PLEKHM3: variants seen among roughly 807,000 people sequenced by gnomAD.
The protein encoded by PLEKHM3 is pleckstrin homology domain-containing family M member 3.
PLEKHM3 carries 45 observed loss-of-function variants against 81.8 expected under a neutral mutation model. That is an observed-to-expected ratio of 0.55 (90% CI 0.43 to 0.71). The LOEUF (loss-of-function observed/expected upper bound fraction) is 0.71. PLEKHM3 is among the 30% of genes least tolerant of loss of function. The pLI, the probability that PLEKHM3 is intolerant of heterozygous loss-of-function variation, is 0.00. For synonymous variants in PLEKHM3, 352 were observed against 356.4 expected, an observed-to-expected ratio of 0.99 and a Z score of 0.14; for missense variants, 788 against 924.3, an observed-to-expected ratio of 0.85 and a Z score of 1.91.
intron 5 of PLEKHM3, among the ~76,000 whole-genome samples, chr2:207,912,279 A>C (rs1400287478): frequency 6.6e-6 from 1 of 152,216 alleles, no homozygotes; most frequent in African/African-American, 2.4e-5. Flanking sequence ...TAAAGTGGCT[A>C]TGTATTTATT....
At chr2:207,893,683 G>C (rs876065) in intron 6 of PLEKHM3, among the ~76,000 whole-genome samples, 35,114 of 152,018 alleles carry the variant, frequency 0.23, 4,274 homozygotes, top group Middle Eastern at 0.3. Flanking sequence ...CAGAGAGAGA[G>C]AGAAAGAGAG....
rs1692310695 is a variant in PLEKHM3, at chr2:208,001,657, G to A, written c.-18C>T. The A allele has an allele frequency of 2.5e-6, 4 of 1,602,388 alleles. No homozygotes were observed. The highest frequency in any genetic ancestry group is 2.6e-6 in the Non-Finnish European group (3 of 1,175,580). ...GCTTCCATGTCACAGGCTCCAGGAG[G>A]CCTTAGCCTCCTAAGCTGGTTCCAG... On this transcript the variant is annotated 5_prime_UTR_variant, in exon 2 of 8. Transcript: ENST00000427836.
At chr2:207,989,213 C>G (rs1691818254) in intron 2 of PLEKHM3, among the ~76,000 whole-genome samples, 1 of 152,208 alleles carries the variant, frequency 6.6e-6, no homozygotes, top group Non-Finnish European at 1.5e-5. Context: ...CAATCAGACA[C>G]AGATCGTGTC....
Position 207,825,680 on chromosome 2 carries a change from G to C in PLEKHM3, c.*2639C>G, listed in dbSNP as rs1341006984. ...CCACTCTGTCCTATCAGATTTTGGT[G>C]GTGGTGGCAGAGAATGTCATAGGCC... On this transcript the variant is annotated 3_prime_UTR_variant, in exon 8 of 8. Coordinates refer to ENST00000427836, the MANE Select transcript of PLEKHM3 (RefSeq NM_001080475.3). 3.3e-5 allele frequency: 5 copies of C among 152,308 alleles called. No homozygotes were observed. The South Asian group carries it at 1.0e-3, about 32-fold the overall frequency. The allele number at this position is 152,308 out of a possible 1,614,324, so 9.4% of individuals were successfully genotyped here.
chr2:207,970,142 G>A (rs142662959), intron 3 of PLEKHM3, among the ~76,000 whole-genome samples: 7 of 152,042 alleles, frequency 4.6e-5, no homozygotes, highest in African/African-American at 1.5e-4. Flanking sequence ...GTTTGTGAAT[G>A]ATAGCTGGGA....
intron 1 of PLEKHM3, among the ~76,000 whole-genome samples, chr2:208,003,304 A>G (rs113500178): frequency 0.055 from 8,310 of 152,262 alleles, 719 homozygotes; most frequent in African/African-American, 0.19. Context: ...GTCTTGGGGT[A>G]TATCTTTATC....
At chr2:207,917,450 A>ACCT (rs1689027801) in intron 5 of PLEKHM3, among the ~76,000 whole-genome samples, 1 of 152,218 alleles carries the variant, frequency 6.6e-6, no homozygotes, top group Non-Finnish European at 1.5e-5. Flanking sequence ...TATTAACCAG[A>ACCT]CCTTGCACAC....
chr2:207,938,877 T>C (rs867804322), intron 4 of PLEKHM3, among the ~76,000 whole-genome samples: 1 of 152,232 alleles, frequency 6.6e-6, no homozygotes, highest in Non-Finnish European at 1.5e-5. Flanking sequence ...TAAGTGTCAA[T>C]GATGGCTAAA....
chr2:207,851,211 G>A (rs2092410714), intron 7 of PLEKHM3: 1 of 151,608 alleles, frequency 6.6e-6, no homozygotes, highest in African/African-American at 2.4e-5. Context: ...AATCAAGGAG[G>A]GCATGTTTCG....
At chr2:207,930,179 G>A (rs1330329828) in intron 5 of PLEKHM3, among the ~76,000 whole-genome samples, 3 of 152,176 alleles carry the variant, frequency 2.0e-5, no homozygotes, top group Non-Finnish European at 4.4e-5. Flanking sequence ...CGGGAAAGCA[G>A]CCTGCACCCA....
intron 6 of PLEKHM3, among the ~76,000 whole-genome samples, chr2:207,863,643 T>A (rs544339710): frequency 1.3e-5 from 2 of 152,268 alleles, no homozygotes; most frequent in East Asian, 3.9e-4. Context: ...CCTTTCTCAG[T>A]TAATGGGTGT....
chr2:207,864,923 A>C (rs2092487358), intron 6 of PLEKHM3, among the ~76,000 whole-genome samples: 1 of 152,182 alleles, frequency 6.6e-6, no homozygotes, highest in East Asian at 1.9e-4. Flanking sequence ...TATTTAGTTT[A>C]AGGTTAAACT....
At chr2:207,905,645 G>T (rs1230656735) in intron 6 of PLEKHM3, among the ~76,000 whole-genome samples, 2 of 152,180 alleles carry the variant, frequency 1.3e-5, no homozygotes, top group Admixed American at 1.3e-4. Context: ...CCCACCTCAG[G>T]CAGAAAAAGT....
At chr2:208,024,380 C>T (rs905028296) in intron 1 of PLEKHM3, among the ~76,000 whole-genome samples, 1 of 152,012 alleles carries the variant, frequency 6.6e-6, no homozygotes, top group African/African-American at 2.4e-5. Flanking sequence ...TAAAGAAAAA[C>T]TCATCAGGAA....
chr2:208,019,367 G>A (rs187362219), intron 1 of PLEKHM3, among the ~76,000 whole-genome samples: 36 of 152,086 alleles, frequency 2.4e-4, no homozygotes, highest in African/African-American at 8.7e-4. Flanking sequence ...TCCTCTGCCT[G>A]GAACACTGTT....
chr2:207,940,966 C>A (rs180863242), intron 4 of PLEKHM3, among the ~76,000 whole-genome samples: 26 of 152,270 alleles, frequency 1.7e-4, no homozygotes, highest in Admixed American at 1.5e-3. Context: ...TATTTCATAA[C>A]TTCATTTTTC....
chr2:207,856,918 T>G (rs960707610), intron 7 of PLEKHM3, among the ~76,000 whole-genome samples: 10 of 152,246 alleles, frequency 6.6e-5, no homozygotes, highest in African/African-American at 2.4e-4. Context: ...ATACTTTGCA[T>G]GATTTCTACT....
intron 3 of PLEKHM3, among the ~76,000 whole-genome samples, chr2:207,962,794 G>T (rs1345765688): frequency 6.6e-6 from 1 of 152,148 alleles, no homozygotes; most frequent in Non-Finnish European, 1.5e-5. Flanking sequence ...CAGAGCAGGG[G>T]ATTGTACCTT....
intron 6 of PLEKHM3, among the ~76,000 whole-genome samples, chr2:207,872,819 T>TC (rs1225225391): frequency 2.6e-5 from 4 of 151,670 alleles, no homozygotes; most frequent in South Asian, 4.2e-4. Context: ...AGAGTGAGAC[T>TC]CCGTCTCAAA....
Sources: allele counts gnomAD v4.1 joint callset (sites outside exome capture counted in the v4.1 genomes callset), GRCh38; gene constraint gnomAD v4.1.1; transcripts MANE v1.5; gene names NCBI Gene and HGNC (gene_info 2026-07-23, HGNC 2026-07-21).